KIF27: variants seen among roughly 807,000 people sequenced by gnomAD.
KIF27 encodes kinesin family member 27.
In KIF27, 84 loss-of-function variants were observed where a neutral mutation model predicts 141.8. The observed-to-expected ratio is 0.59, with a 90% CI of 0.50 to 0.71. The LOEUF is 0.71. KIF27 is among the 30% of genes least tolerant of loss of function. The probability of loss-of-function intolerance (pLI) is 0.00; values close to 1 mark genes in which losing one functional copy is unlikely to be tolerated. For synonymous variants in KIF27, 471 were observed against 569.5 expected, an observed-to-expected ratio of 0.83 and a Z score of 2.46; for missense variants, 1,306 against 1,628.4, an observed-to-expected ratio of 0.80 and a Z score of 3.41.
chr9:83,854,167 C>CG (rs1564303801), intron 14 of KIF27, among the ~76,000 whole-genome samples: 1 of 152,170 alleles, frequency 6.6e-6, no homozygotes, highest in East Asian at 1.9e-4. Context: ...ATCTAATCCA[C>CG]GGAATATACT....
chr9:83,864,572 C>T (rs1235836761), intron 13 of KIF27, among the ~76,000 whole-genome samples: 1 of 152,156 alleles, frequency 6.6e-6, no homozygotes, highest in Admixed American at 6.5e-5. Context: ...TTTACATTTG[C>T]TGAGGAGTGC....
chr9:83,848,325 ATATATC>A (rs1948031094), intron 16 of KIF27, among the ~76,000 whole-genome samples: 2 of 91,478 alleles, frequency 2.2e-5, no homozygotes, highest in Admixed American at 1.0e-4. Context: ...TCATATATCT[ATATATC>A]TATATATATC....
rs552672822 is a variant in KIF27 at position 83,873,494 on chromosome 9, T to C, written c.2644-2862A>G. Reference sequence around the variant, plus strand: ...TCCACCATATTTCCAGCAATAATCATGACATGGATATAAGAGAAGTGCACT... The same window carrying C: ...TCCACCATATTTCCAGCAATAATCACGACATGGATATAAGAGAAGTGCACT... On this transcript the variant is annotated intron_variant, in intron 11 of 17. Transcript: ENST00000297814. Among the ~76,000 whole-genome samples, 5 of 152,300 alleles carry C rather than the reference T, an allele frequency of 3.3e-5. No individual in the cohort carries two copies. The South Asian group carries it at 6.2e-4, about 19-fold the overall frequency.
intron 5 of KIF27, among the ~76,000 whole-genome samples, chr9:83,893,096 G>C (rs1476184190): frequency 6.6e-6 from 1 of 152,106 alleles, no homozygotes; most frequent in Non-Finnish European, 1.5e-5. Context: ...AATTAGCAGG[G>C]CATTGTGGTG....
chr9:83,861,499 C>G lies in KIF27; in HGVS notation c.2935-2128G>C, dbSNP rs556538373. Among the ~76,000 whole-genome samples the G allele has an allele frequency of 4.6e-5, 7 of 152,238 alleles. No individual in the cohort carries two copies. The South Asian group carries it at 1.5e-3, about 32-fold the overall frequency. ...CCAGCTTCATCCATGTCCCTACAAACCACATGAACTCATCACTTTTTATGG... is the reference window on the plus strand; with the variant it reads ...CCAGCTTCATCCATGTCCCTACAAAGCACATGAACTCATCACTTTTTATGG... On this transcript the variant is annotated intron_variant, in intron 13 of 17. Transcript: ENST00000297814.
intron 11 of KIF27, among the ~76,000 whole-genome samples, chr9:83,879,236 A>G (rs1345122398): frequency 6.6e-6 from 1 of 150,770 alleles, no homozygotes; most frequent in East Asian, 1.9e-4. Context: ...TATATATTTT[A>G]CCACAACTTA....
intron 11 of KIF27, among the ~76,000 whole-genome samples, chr9:83,879,153 G>A (rs1368633480): frequency 1.3e-5 from 2 of 149,828 alleles, no homozygotes; most frequent in East Asian, 3.9e-4. Context: ...ACTCCAGCCT[G>A]GGCAACAAGA....
chr9:83,845,759 G>T (rs1355375960), intron 16 of KIF27, among the ~76,000 whole-genome samples: 1 of 152,230 alleles, frequency 6.6e-6, no homozygotes, highest in East Asian at 1.9e-4. Context: ...CAATTCATGG[G>T]CTGTAGCCAG....
chr9:83,914,211 CAA>C (rs374605136), intron 2 of KIF27, among the ~76,000 whole-genome samples: 3 of 127,110 alleles, frequency 2.4e-5, no homozygotes, highest in African/African-American at 3.0e-5. Flanking sequence ...ATTTGCCAAT[CAA>C]AAAAAAAAAA....
chr9:83,915,338 T>C lies in KIF27; in HGVS notation c.254A>G (p.Gln85Arg). The change falls in exon 2 of 18, where the codon CAA becomes CGA. Residue 85 changes from glutamine to arginine, a missense_variant. Gln to Arg is a conservative substitution (Grantham distance 43). This residue lies in a region of KIF27 where 533 missense variants were observed against 565.6 expected (regional missense o/e 0.94). Transcript: ENST00000297814. ...GGTGTATGTCTTCCCAGATCCAGTTTGTCCATAGGCAAAAACAGTTGCATT... is the reference window on the plus strand; with the variant it reads ...GGTGTATGTCTTCCCAGATCCAGTTCGTCCATAGGCAAAAACAGTTGCATT... ...GYNATVFAYG[Q>R]TGSGKTYTIG... 4 of 1,613,430 alleles carry C rather than the reference T, an allele frequency of 2.5e-6. No homozygotes were observed. The highest frequency in any genetic ancestry group is 1.7e-4 in the Middle Eastern group (1 of 6,054).
Position 83,920,002 on chromosome 9 carries a change from C to T in KIF27, c.-88+1369G>A, listed in dbSNP as rs886137027. On this transcript the variant is annotated intron_variant, in intron 1 of 17. Transcript: ENST00000297814. Reference sequence around the variant, plus strand: ...ATCCCAGCACTTTGGGAGGCCAAGGCAGGTGGATCGCTTCAGCCCACGAGT... The same window carrying T: ...ATCCCAGCACTTTGGGAGGCCAAGGTAGGTGGATCGCTTCAGCCCACGAGT... Among the ~76,000 whole-genome samples, 10 of 151,924 alleles carry T rather than the reference C, an allele frequency of 6.6e-5. No homozygotes were observed. In the East Asian group the frequency reaches 1.3e-3, roughly 20 times the overall value.
chr9:83,897,167 G>T (rs1183827121), intron 5 of KIF27, among the ~76,000 whole-genome samples: 3 of 152,086 alleles, frequency 2.0e-5, no homozygotes, highest in African/African-American at 4.8e-5. Context: ...TCTGGGGAGT[G>T]GGGAGGGAAG....
intron 10 of KIF27, among the ~76,000 whole-genome samples, chr9:83,881,049 C>T (rs1431707985): frequency 6.6e-6 from 1 of 151,980 alleles, no homozygotes; most frequent in African/African-American, 2.4e-5. Flanking sequence ...TTCTACTGTG[C>T]TCTTGTTTTT....
intron 2 of KIF27, among the ~76,000 whole-genome samples, chr9:83,910,577 G>A (rs1955047400): frequency 1.3e-5 from 2 of 152,244 alleles, no homozygotes; most frequent in African/African-American, 2.4e-5. Context: ...AGACAGGGAC[G>A]TAAGCCAGAG....
rs564060411 is a variant in KIF27 at position 83,911,811 on chromosome 9, G to T, written c.299-3159C>A. On this transcript the variant is annotated intron_variant, in intron 2 of 17. Transcript: ENST00000297814. Reference sequence around the variant, plus strand: ...CTCCCAAAGTACTGGGATTACAGAAGTGAGCCACCACGCCTGGCCTCCACT... The same window carrying T: ...CTCCCAAAGTACTGGGATTACAGAATTGAGCCACCACGCCTGGCCTCCACT... Among the ~76,000 whole-genome samples, 30 of 152,246 alleles carry T rather than the reference G, an allele frequency of 2.0e-4. No individual in the cohort carries two copies. In the South Asian group the frequency reaches 6.0e-3, roughly 31 times the overall value.
rs925121318 is a variant in KIF27, at chr9:83,884,026, GTAA to G, written c.2240-11_2240-9del. 2.0e-6 allele frequency: 3 copies of G among 1,521,026 alleles called. No individual in the cohort carries two copies. The highest frequency in any genetic ancestry group is 2.7e-6 in the Non-Finnish European group (3 of 1,117,878). 94.2% of individuals were successfully genotyped at this position (1,521,026 alleles called of 1,614,324 possible). A position where few individuals can be genotyped will look rare whatever the true frequency, so the allele number is the denominator to read the frequency against. On this transcript the variant is annotated splice_polypyrimidine_tract_variant and intron_variant, in intron 9 of 17. Transcript: ENST00000297814. ...CAGACTTGGCATCATTACCTTAACC[GTAA>G]TAATAATTATTATTAGTATAAATTA...
At chr9:83,882,295 G>A (rs1951740303) in intron 10 of KIF27, among the ~76,000 whole-genome samples, 1 of 152,012 alleles carries the variant, frequency 6.6e-6, no homozygotes, top group African/African-American at 2.4e-5. Flanking sequence ...CTGGGAGGAG[G>A]CAACTGCAGT....
intron 1 of KIF27, among the ~76,000 whole-genome samples, chr9:83,919,030 C>A (rs142332091): frequency 2.0e-5 from 3 of 152,094 alleles, no homozygotes; most frequent in African/African-American, 7.2e-5. Context: ...GAGCTGAGAT[C>A]GAACCACTGC....
intron 16 of KIF27, among the ~76,000 whole-genome samples, chr9:83,849,137 G>T (rs959065287): frequency 6.6e-6 from 1 of 152,038 alleles, no homozygotes; most frequent in African/African-American, 2.4e-5. Flanking sequence ...TTCTTATTTG[G>T]CTATAGCATG....
Sources: allele counts gnomAD v4.1 joint callset (sites outside exome capture counted in the v4.1 genomes callset), GRCh38; gene constraint gnomAD v4.1.1; regional missense constraint gnomAD v4.1.1; transcripts MANE v1.5; gene names NCBI Gene and HGNC (gene_info 2026-07-23, HGNC 2026-07-21).